Variants in SUPT3H observed in about 807,000 individuals in gnomAD.
SUPT3H encodes the protein transcription initiation protein SPT3 homolog.
In SUPT3H, 44 loss-of-function variants were observed where a neutral mutation model predicts 44.3. The ratio of observed to expected loss-of-function variants is 0.99; its 90% CI spans 0.78 to 1.28. The LOEUF is 1.28. Among genes scored for constraint, SUPT3H ranks in the 50% most tolerant of loss-of-function variants. SUPT3H has a pLI of 0.00. For missense variants in SUPT3H, 380 were observed against 387.1 expected, an observed-to-expected ratio of 0.98 and a Z score of 0.15; for synonymous variants, 124 against 125.6, an observed-to-expected ratio of 0.99 and a Z score of 0.09.
At chr6:45,017,995 A>C (rs1374785601) in intron 4 of SUPT3H, among the ~76,000 whole-genome samples, 6 of 151,684 alleles carry the variant, frequency 4.0e-5, no homozygotes, top group African/African-American at 1.5e-4. Context: ...ATGTTCTTCC[A>C]TTTGTTTGTA....
At chr6:44,890,814 A>AT (rs1763184704) in intron 10 of SUPT3H, among the ~76,000 whole-genome samples, 1 of 152,032 alleles carries the variant, frequency 6.6e-6, no homozygotes, top group Non-Finnish European at 1.5e-5. Flanking sequence ...CTATGCAGCC[A>AT]TAAAACAGGA....
At chr6:45,099,242 GCC>G in intron 3 of SUPT3H, 1 of 195,964 alleles carries the variant, frequency 5.1e-6, no homozygotes, top group Non-Finnish European at 1.1e-5. Flanking sequence ...GGGAGCTCAT[GCC>G]AGAAAACATA....
intron 6 of SUPT3H, among the ~76,000 whole-genome samples, chr6:44,969,774 T>C (rs763518568): frequency 2.2e-4 from 33 of 152,252 alleles, no homozygotes; most frequent in Admixed American, 2.6e-4. Context: ...ATATTTTCTA[T>C]ATCACAGCCT....
chr6:44,835,143 T>A (rs1769589176), intron 10 of SUPT3H, among the ~76,000 whole-genome samples: 1 of 152,126 alleles, frequency 6.6e-6, no homozygotes, highest in South Asian at 2.1e-4. Flanking sequence ...AGGGGGTTGA[T>A]ACACCATGTG....
intron 2 of SUPT3H, among the ~76,000 whole-genome samples, chr6:45,278,341 C>T (rs1028050636): frequency 2.0e-5 from 3 of 152,044 alleles, no homozygotes; most frequent in African/African-American, 7.2e-5. Context: ...CTACACAGGT[C>T]TTTTTCCAAC....
chr6:45,147,313 C>T (rs1806238526), intron 2 of SUPT3H, among the ~76,000 whole-genome samples: 1 of 152,042 alleles, frequency 6.6e-6, no homozygotes, highest in Admixed American at 6.6e-5. Context: ...ATGATAAAAG[C>T]TGAACTAATT....
chr6:45,205,215 G>A (rs901788972), intron 2 of SUPT3H, among the ~76,000 whole-genome samples: 1 of 151,946 alleles, frequency 6.6e-6, no homozygotes, highest in East Asian at 1.9e-4. Context: ...AAGTACATTG[G>A]AATCATTTAA....
intron 2 of SUPT3H, among the ~76,000 whole-genome samples, chr6:45,156,204 C>G (rs778065760): frequency 1.3e-5 from 2 of 152,146 alleles, no homozygotes; most frequent in Non-Finnish European, 2.9e-5. Context: ...GCATATGTAA[C>G]TTGTTTCTCT....
chr6:44,914,404 C>A (rs1262007213), intron 10 of SUPT3H, among the ~76,000 whole-genome samples: 1 of 152,174 alleles, frequency 6.6e-6, no homozygotes, highest in Non-Finnish European at 1.5e-5. Context: ...AGGAGCTCAG[C>A]TTCATACTTT....
At chr6:45,278,993 C>A (rs1216547252) in intron 2 of SUPT3H, among the ~76,000 whole-genome samples, 2 of 152,068 alleles carry the variant, frequency 1.3e-5, no homozygotes, top group Admixed American at 6.6e-5. Flanking sequence ...GATAATATTT[C>A]TGAAAAAAGT....
chr6:45,095,604 C>T lies in SUPT3H; in HGVS notation c.186+10318G>A, dbSNP rs1337615504. On this transcript the variant is annotated intron_variant, in intron 3 of 10. Coordinates refer to ENST00000371459, the MANE Select transcript of SUPT3H (RefSeq NM_003599.4). The surrounding 1 kb of genome is among the most constrained non-coding windows in gnomAD (Gnocchi z 4.1). Reference sequence around the variant, plus strand: ...AACCAACTACACAGCTTACTACTGACTGGTAGATTCATACAGTGAAAATCT... The same window carrying T: ...AACCAACTACACAGCTTACTACTGATTGGTAGATTCATACAGTGAAAATCT... Among the ~76,000 whole-genome samples the T allele has an allele frequency of 1.3e-5, 2 of 152,130 alleles. No homozygotes were observed. The highest frequency in any genetic ancestry group is 4.8e-5 in the African/African-American group (2 of 41,446).
intron 6 of SUPT3H, among the ~76,000 whole-genome samples, chr6:44,963,012 T>G (rs1472743050): frequency 6.6e-6 from 1 of 151,868 alleles, no homozygotes; most frequent in Non-Finnish European, 1.5e-5. Flanking sequence ...GTATACTTTT[T>G]GGGCATATAC....
chr6:45,282,230 T>C (rs1054754738), intron 2 of SUPT3H, among the ~76,000 whole-genome samples: 8 of 152,138 alleles, frequency 5.3e-5, no homozygotes, highest in Admixed American at 3.9e-4. Context: ...AGAGCAAAGC[T>C]GGATGGAGAA....
At chr6:45,158,298 A>ATATATATATATATATATATTT in intron 2 of SUPT3H, among the ~76,000 whole-genome samples, 8 of 99,690 alleles carry the variant, frequency 8.0e-5, no homozygotes, top group African/African-American at 4.0e-4. Flanking sequence ...ATATATATAT[A>ATATATATATATATATATATTT]TTTTTTTTTT....
chr6:45,316,721 C>T (rs1584882245), intron 2 of SUPT3H, among the ~76,000 whole-genome samples: 2 of 152,178 alleles, frequency 1.3e-5, no homozygotes, highest in Admixed American at 1.3e-4. Flanking sequence ...AGAAGTACAG[C>T]CTGTACACTA....
At chr6:45,350,189 TTG>T (rs1791728713) in intron 2 of SUPT3H, among the ~76,000 whole-genome samples, 1 of 152,220 alleles carries the variant, frequency 6.6e-6, no homozygotes, top group South Asian at 2.1e-4. Context: ...ATTAAGGATT[TTG>T]TGTTTGTTTT....
intron 2 of SUPT3H, among the ~76,000 whole-genome samples, chr6:45,280,401 G>A (rs1410081974): frequency 6.6e-6 from 1 of 151,998 alleles, no homozygotes; most frequent in Non-Finnish European, 1.5e-5. Context: ...AGCTACTCGG[G>A]GGGCTGACAC....
intron 10 of SUPT3H, among the ~76,000 whole-genome samples, chr6:44,845,592 C>A (rs1038566680): frequency 2.6e-5 from 4 of 152,130 alleles, no homozygotes; most frequent in Non-Finnish European, 5.9e-5. Context: ...CCCAAGACCA[C>A]CCTGGTCCAC....
At chr6:44,864,883 T>C (rs955738118) in intron 10 of SUPT3H, among the ~76,000 whole-genome samples, 10 of 152,252 alleles carry the variant, frequency 6.6e-5, no homozygotes, top group Admixed American at 6.5e-4. Flanking sequence ...CTTATAAAAA[T>C]TTCTAAAGCT....
Sources: allele counts gnomAD v4.1 joint callset (sites outside exome capture counted in the v4.1 genomes callset), GRCh38; gene constraint gnomAD v4.1.1; non-coding constraint Gnocchi (gnomAD v3.1); transcripts MANE v1.5; gene names NCBI Gene and HGNC (gene_info 2026-07-23, HGNC 2026-07-21).